Variants in CCN4 observed in about 807,000 individuals in gnomAD.
The protein encoded by CCN4 is cellular communication network factor 4.
CCN4 carries 30 observed loss-of-function variants against 36.7 expected under a neutral mutation model. The observed-to-expected ratio is 0.82, with a 90% CI of 0.61 to 1.11. CCN4 has a LOEUF of 1.11. Ranked by LOEUF, CCN4 falls within the 50% of genes least tolerant of loss-of-function variation. The pLI is 0.00. For synonymous variants in CCN4, 191 were observed against 195.4 expected, an observed-to-expected ratio of 0.98 and a Z score of 0.19; for missense variants, 505 against 504.9, an observed-to-expected ratio of 1.00 and a Z score of 0.00.
chr8:133,194,351 T>G (rs891396522), intron 1 of CCN4, among the ~76,000 whole-genome samples: 825 of 17,918 alleles, frequency 0.046, no homozygotes, highest in African/African-American at 0.051. Flanking sequence ...TGTGGGGGGG[T>G]GGTGGTGTGT....
In CCN4 at chr8:133,227,577, G is replaced by A. The variant is rs1854789087; in HGVS notation, c.971G>A (p.Cys324Tyr). The A allele has an allele frequency of 1.2e-5, 19 of 1,614,094 alleles. No homozygotes were observed. The highest frequency in any genetic ancestry group is 1.5e-5 in the Non-Finnish European group (18 of 1,180,052). The change falls in exon 5 of 5, where the codon TGT becomes TAT. Residue 324 changes from cysteine to tyrosine, a missense_variant. Transcript: ENST00000250160. ...KSKTIDVSFQ[C>Y]PDGLGFSRQV... ...AAGACTATCGACGTGTCCTTCCAGTGTCCTGATGGGCTTGGCTTCTCCCGC... is the reference window on the plus strand; with the variant it reads ...AAGACTATCGACGTGTCCTTCCAGTATCCTGATGGGCTTGGCTTCTCCCGC...
intron 1 of CCN4, among the ~76,000 whole-genome samples, chr8:133,198,507 C>T (rs1853469147): frequency 6.6e-6 from 1 of 152,214 alleles, no homozygotes; most frequent in Admixed American, 6.5e-5. Flanking sequence ...TGGTTCTTCT[C>T]CCATTCACCT....
chr8:133,228,259 A>T lies in CCN4; in HGVS notation c.*549A>T, dbSNP rs1854821157. ...CAAACATTTGCCAAGTGAGTTGAAT[A>T]GTTGCTTAATTTTGATTTTTAATGG... is the stretch of plus-strand genomic sequence containing the variant. On this transcript the variant is annotated 3_prime_UTR_variant, in exon 5 of 5. Transcript: ENST00000250160. 1 of 153,260 alleles carries T rather than the reference A, an allele frequency of 6.5e-6. No individual in the cohort carries two copies. The highest frequency in any genetic ancestry group is 6.5e-5 in the Admixed American group (1 of 15,422). 9.5% of individuals were successfully genotyped at this position (153,260 alleles called of 1,614,324 possible).
At chr8:133,202,000 T>A (rs1853605361) in intron 1 of CCN4, among the ~76,000 whole-genome samples, 1 of 152,218 alleles carries the variant, frequency 6.6e-6, no homozygotes, top group Non-Finnish European at 1.5e-5. Flanking sequence ...TATTTAAATA[T>A]GTCTCTAGCA....
chr8:133,197,676 C>T (rs538774088), intron 1 of CCN4, among the ~76,000 whole-genome samples: 7 of 152,260 alleles, frequency 4.6e-5, no homozygotes, highest in Non-Finnish European at 1.0e-4. Context: ...CTGAGCCCGC[C>T]CACCCCACCG....
chr8:133,221,136 G>C (rs1416323525), intron 3 of CCN4, among the ~76,000 whole-genome samples: 2 of 152,242 alleles, frequency 1.3e-5, no homozygotes, highest in African/African-American at 2.4e-5. Context: ...GTTAGGGATG[G>C]GTGGTGGAAG....
chr8:133,211,724 G>T (rs538693417), intron 1 of CCN4, among the ~76,000 whole-genome samples: 1 of 152,324 alleles, frequency 6.6e-6, no homozygotes, highest in South Asian at 2.1e-4. Context: ...GCTTACTTCA[G>T]AACTCAGCCG....
intron 1 of CCN4, among the ~76,000 whole-genome samples, chr8:133,199,015 G>C (rs963247703): frequency 1.2e-4 from 18 of 152,266 alleles, no homozygotes; most frequent in African/African-American, 4.3e-4. Context: ...AGGCTGGGGA[G>C]AATATGTGTA....
chr8:133,194,556 G>T (rs1290734047), intron 1 of CCN4, among the ~76,000 whole-genome samples: 1 of 106,870 alleles, frequency 9.4e-6, no homozygotes, highest in Non-Finnish European at 1.9e-5. Flanking sequence ...TGGTGTGTGT[G>T]GGGGGGTGGT....
intron 1 of CCN4, among the ~76,000 whole-genome samples, chr8:133,199,425 T>C (rs1357549784): frequency 6.6e-6 from 1 of 152,030 alleles, no homozygotes. Flanking sequence ...TTCTCATCTG[T>C]AAAATGGATG....
At chr8:133,210,084 AT>A (rs1853947196) in intron 1 of CCN4, among the ~76,000 whole-genome samples, 3 of 152,246 alleles carry the variant, frequency 2.0e-5, no homozygotes, top group Admixed American at 2.0e-4. Flanking sequence ...TTAGCCGACA[AT>A]CCCCCATCCA....
At position 133,227,487 on chromosome 8, in the gene CCN4, G is replaced by A. The variant is rs778202911; in HGVS notation, c.881G>A (p.Arg294His). The A allele has an allele frequency of 6.2e-6, 10 of 1,614,180 alleles. No homozygotes were observed. Among genetic ancestry groups the A allele is most frequent in the East Asian group, 4.5e-5 (2 of 44,882 alleles). ...ACACTTGCGGGCTGCATCAGCACAC[G>A]CTCCTATCAACCCAAGTACTGTGGA... ...NFTLAGCIST[R>H]SYQPKYCGVC... is the part of the protein sequence containing the mutation. The change falls in exon 5 of 5, where the codon CGC (arginine) becomes CAC (histidine). Residue 294 changes from arginine to histidine, a missense_variant. By Grantham distance (29) the Arg-to-His change is conservative. Coordinates refer to ENST00000250160, the MANE Select transcript of CCN4 (RefSeq NM_003882.4).
chr8:133,212,958 G>C lies in CCN4; in HGVS notation c.164G>C (p.Cys55Ser). 6.2e-7 allele frequency: 1 copy of C among 1,613,938 alleles called. No individual in the cohort carries two copies. The highest frequency in any genetic ancestry group is 8.5e-7 in the Non-Finnish European group (1 of 1,179,954). The change falls in exon 2 of 5, where the codon TGC becomes TCC. Residue 55 changes from cysteine (C) to serine (S), a missense_variant. By Grantham distance (112) the Cys-to-Ser change is moderately radical. Transcript: ENST00000250160. ...RPQFCKWPCE[C>S]PPSPPRCPLG... is the part of the protein sequence containing the mutation. ...CAATTCTGCAAGTGGCCATGTGAGT[G>C]CCCGCCATCCCCACCCCGCTGCCCG...
Position 133,225,469 on chromosome 8 carries a change from C to T in CCN4, c.690C>T (p.Cys230=), listed in dbSNP as rs150744504. The T allele has an allele frequency of 2.0e-5, 32 of 1,614,044 alleles. No homozygotes were observed. Among genetic ancestry groups the T allele is most frequent in the Admixed American group, 1.7e-4 (10 of 60,020 alleles). ...CCTGGAGCCCTTGCTCCACCAGCTG[C>T]GGCCTGGGGGTCTCCACTCGGATCT... ...TSPWSPCSTS[C]GLGVSTRISN... The change falls in exon 4 of 5, where the codon TGC becomes TGT. Residue 230 remains cysteine (C), a synonymous_variant. Coordinates refer to ENST00000250160, the MANE Select transcript of CCN4 (RefSeq NM_003882.4).
intron 3 of CCN4, among the ~76,000 whole-genome samples, chr8:133,224,935 C>CAA (rs55861580): frequency 2.3e-5 from 3 of 130,152 alleles, no homozygotes; most frequent in Admixed American, 7.8e-5. Context: ...AACTCTGTCT[C>CAA]AAAAAAAAAA....
At chr8:133,194,060 A>G (rs898833217) in intron 1 of CCN4, among the ~76,000 whole-genome samples, 5 of 150,300 alleles carry the variant, frequency 3.3e-5, no homozygotes, top group Admixed American at 3.3e-4. Context: ...AATGTGCCTG[A>G]GGAAAACCTC....
intron 1 of CCN4, among the ~76,000 whole-genome samples, chr8:133,199,305 C>G (rs1853500980): frequency 6.6e-6 from 1 of 152,216 alleles, no homozygotes; most frequent in South Asian, 2.1e-4. Flanking sequence ...GGCTTGTGCT[C>G]TAGGCAGGGT....
At position 133,220,689 on chromosome 8, in the gene CCN4, G is replaced by A. The variant is rs780293869; in HGVS notation, c.458G>A (p.Cys153Tyr). 1.9e-6 allele frequency: 3 copies of A among 1,613,946 alleles called. No homozygotes were observed. Among genetic ancestry groups the A allele is most frequent in the Middle Eastern group, 1.7e-4 (1 of 6,058 alleles). The change falls in exon 3 of 5, where the codon TGC becomes TAC. Residue 153 changes from cysteine (C) to tyrosine (Y), a missense_variant. By Grantham distance (194) the Cys-to-Tyr change is radical. Transcript: ENST00000250160. Reference protein sequence around the residue: ...NCTCIDGAVGCTPLCLRVRPP... With the variant: ...NCTCIDGAVGYTPLCLRVRPP... ...ACGTGCATCGACGGCGCGGTGGGCT[G>A]CACACCACTGTGCCTCCGAGTGCGC...
At chr8:133,199,837 T>C (rs1299064857) in intron 1 of CCN4, among the ~76,000 whole-genome samples, 1 of 152,166 alleles carries the variant, frequency 6.6e-6, no homozygotes. Flanking sequence ...GTTGGGCCCT[T>C]AGTGTGAGCC....
Sources: gnomAD v4.1 joint callset for allele counts (sites outside exome capture counted in the v4.1 genomes callset) on GRCh38, gnomAD v4.1.1 for gene constraint, MANE v1.5 for transcripts, NCBI Gene and HGNC (gene_info 2026-07-23, HGNC 2026-07-21) for gene names.